Variants in KAT14 observed in about 807,000 individuals in gnomAD.
KAT14 encodes cysteine-rich protein 2-binding protein.
In KAT14, 66 loss-of-function variants were observed where a neutral mutation model predicts 78.4. The observed-to-expected ratio is 0.84, with a 90% CI of 0.69 to 1.03. The LOEUF (loss-of-function observed/expected upper bound fraction) is 1.03, where lower values mean the gene tolerates loss of function less well. KAT14 is among the 50% of genes least tolerant of loss of function. The pLI is 0.00. For synonymous variants in KAT14, 344 were observed against 359.4 expected (o/e 0.96, Z 0.48); for missense variants, 870 against 972.5 (o/e 0.89, Z 1.40).
Position 18,158,406 on chromosome 20 carries a change from C to T in KAT14, c.501-678C>T, listed in dbSNP as rs914820555. Among the ~76,000 whole-genome samples the T allele has an allele frequency of 2.6e-5, 4 of 152,210 alleles. No homozygotes were observed. The East Asian group carries it at 5.8e-4, about 22-fold the overall frequency. Reference sequence around the variant, plus strand: ...GTGAAAGACTGTCTTCTAGGATTTCCGGGGATTGATGTATCTTTTCAAGGT... The same window carrying T: ...GTGAAAGACTGTCTTCTAGGATTTCTGGGGATTGATGTATCTTTTCAAGGT... On this transcript the variant is annotated intron_variant, in intron 4 of 10. Coordinates refer to ENST00000688188, the MANE Select transcript of KAT14 (RefSeq NM_001392073.1).
intron 7 of KAT14, among the ~76,000 whole-genome samples, chr20:18,168,204 C>G (rs1165801761): frequency 6.6e-6 from 1 of 152,124 alleles, no homozygotes; most frequent in Non-Finnish European, 1.5e-5. Context: ...CATACAGTGT[C>G]ACTCCTGAGA....
intron 7 of KAT14, among the ~76,000 whole-genome samples, chr20:18,168,325 T>G (rs2038728206): frequency 1.3e-5 from 2 of 152,066 alleles, no homozygotes; most frequent in African/African-American, 2.4e-5. Flanking sequence ...GCCAGGAATT[T>G]GAGACCAGCC....
chr20:18,163,099 C>T lies in KAT14; in HGVS notation c.1668+154C>T, dbSNP rs569585128. 5.3e-4 allele frequency among the ~76,000 whole-genome samples: 80 copies of T among 152,290 alleles called. 3 individuals carry two copies. The South Asian group carries it at 0.016, about 31-fold the overall frequency. On this transcript the variant is annotated intron_variant, in intron 7 of 10. Coordinates refer to ENST00000688188, the MANE Select transcript of KAT14 (RefSeq NM_001392073.1). ...GTGCAAGGGAAAAAAATACAAAAATCGCTGGGCTTTATTTTTCAGAATTGT... is the reference window on the plus strand; with the variant it reads ...GTGCAAGGGAAAAAAATACAAAAATTGCTGGGCTTTATTTTTCAGAATTGT...
intron 7 of KAT14, among the ~76,000 whole-genome samples, chr20:18,178,868 G>T (rs2039146860): frequency 6.6e-6 from 1 of 152,102 alleles, no homozygotes; most frequent in Non-Finnish European, 1.5e-5. Context: ...ATAGTCCCAA[G>T]TCTCATCTGA....
chr20:18,184,618 G>A lies in KAT14; in HGVS notation c.1998G>A (p.Glu666=). ...TTTCTTTAGGCATTGACCTGTCTGA[G>A]TGTCTGCAGTACCCAGACTTCAGTG... ...EFFWPGIDLS[E]CLQYPDFSVV... Residue 666 remains glutamate (E), a synonymous_variant, in exon 10 of 11, where the codon GAG becomes GAA. Transcript: ENST00000688188. 9.3e-6 allele frequency: 15 copies of A among 1,611,982 alleles called. No individual in the cohort carries two copies. The highest frequency in any genetic ancestry group is 1.3e-5 in the Non-Finnish European group (15 of 1,179,578).
At chr20:18,138,182 C>T (rs1600210604) in intron 1 of KAT14, 131 bp downstream of exon 1, 2 of 1,287,594 alleles carry the variant, frequency 1.6e-6, no homozygotes, top group Non-Finnish European at 9.8e-7. Context: ...GGCCCTGCAC[C>T]CCACGCGTTT....
chr20:18,149,572 T>C (rs1358290850), intron 3 of KAT14, among the ~76,000 whole-genome samples: 2 of 152,178 alleles, frequency 1.3e-5, no homozygotes, highest in Non-Finnish European at 2.9e-5. Flanking sequence ...GGTGTAGATA[T>C]TGCTCTTTCC....
intron 10 of KAT14, among the ~76,000 whole-genome samples, chr20:18,185,903 A>G (rs976448174): frequency 1.3e-5 from 2 of 152,164 alleles, no homozygotes; most frequent in African/African-American, 4.8e-5. Context: ...TATGTAAATC[A>G]CTCACTGAGT....
chr20:18,183,435 A>G (rs2039338330), intron 9 of KAT14, 137 bp downstream of exon 9: 1 of 1,340,948 alleles, frequency 7.5e-7, no homozygotes, highest in Non-Finnish European at 9.6e-7. Context: ...ACATGGAAAT[A>G]TTAAAATACA....
At chr20:18,147,546 A>T (rs568508699) in intron 3 of KAT14, among the ~76,000 whole-genome samples, 1 of 152,274 alleles carries the variant, frequency 6.6e-6, no homozygotes, top group Admixed American at 6.5e-5. Flanking sequence ...AGTATGTAAT[A>T]TTGGCTCACT....
At chr20:18,184,566 A>G (rs2039386794) in intron 9 of KAT14, 36 bp from the exon 10 acceptor site, 2 of 1,572,124 alleles carry the variant, frequency 1.3e-6, no homozygotes, top group African/African-American at 2.8e-5. Context: ...TCTCAAAGGC[A>G]TGTGGTTTGA....
rs1220858761 is a variant in KAT14, at chr20:18,162,139, C to A, written c.999C>A (p.Phe333Leu). The A allele has an allele frequency of 6.2e-7, 1 of 1,614,246 alleles. No homozygotes were observed. Among genetic ancestry groups the A allele is most frequent in the South Asian group, 1.1e-5 (1 of 91,088 alleles). The change falls in exon 6 of 11, where the codon TTC (phenylalanine) becomes TTA (leucine). Residue 333 changes from phenylalanine to leucine, a missense_variant. By Grantham distance (22) the Phe-to-Leu change is conservative. Transcript: ENST00000688188. ...TSPSPSPSLDFSAPGTPASHS... is the reference protein window; with the variant it reads ...TSPSPSPSLDLSAPGTPASHS... ...CATCTCCTTCTCCTTCTCTGGATTT[C>A]TCTGCCCCTGGTACACCTGCCTCTC...
At chr20:18,148,962 C>A (rs1265551798) in intron 3 of KAT14, among the ~76,000 whole-genome samples, 5 of 151,926 alleles carry the variant, frequency 3.3e-5, no homozygotes, top group African/African-American at 9.7e-5. Context: ...AAAACAGGTC[C>A]TTTATATATT....
At chr20:18,159,655 C>T (rs973177620) in intron 5 of KAT14, among the ~76,000 whole-genome samples, 1 of 152,194 alleles carries the variant, frequency 6.6e-6, no homozygotes, top group African/African-American at 2.4e-5. Context: ...TCTAAATCCT[C>T]AGTACTTTTC....
At position 18,142,678 on chromosome 20, in the gene KAT14, C is replaced by T. The variant is rs1312885030; in HGVS notation, c.18C>T (p.His6=). 6.2e-7 allele frequency: 1 copy of T among 1,614,154 alleles called. No individual in the cohort carries two copies. The highest frequency in any genetic ancestry group is 2.2e-5 in the East Asian group (1 of 44,876). Residue 6 remains histidine (H), a synonymous_variant, in exon 2 of 11, where the codon CAC becomes CAT. Coordinates refer to ENST00000688188, the MANE Select transcript of KAT14 (RefSeq NM_001392073.1). The stretch of plus-strand genomic sequence containing the variant: ...AGGAAGGGATGGATAGTAGCATCCA[C>T]CTGAGTAGTCTGATCAGTCGGCATG... MDSSI[H]LSSLISRHDD...
chr20:18,161,033 G>A (rs2038400233), intron 5 of KAT14, among the ~76,000 whole-genome samples: 2 of 152,042 alleles, frequency 1.3e-5, no homozygotes, highest in Admixed American at 6.5e-5. Context: ...AATCAGCCGG[G>A]CGTGATGGCG....
chr20:18,164,243 T>C (rs1261188569), intron 7 of KAT14, among the ~76,000 whole-genome samples: 8 of 152,180 alleles, frequency 5.3e-5, no homozygotes, highest in African/African-American at 1.9e-4. Context: ...GCCCATCGTT[T>C]AGGAGGTAAA....
chr20:18,175,218 G>A (rs1191836380), intron 7 of KAT14, among the ~76,000 whole-genome samples: 56 of 152,100 alleles, frequency 3.7e-4, no homozygotes, highest in Admixed American at 3.7e-3. Flanking sequence ...CTCTCGCCCA[G>A]GTGCTGCTTT....
At chr20:18,168,552 C>T (rs2038740900) in intron 7 of KAT14, among the ~76,000 whole-genome samples, 1 of 151,898 alleles carries the variant, frequency 6.6e-6, no homozygotes, top group Admixed American at 6.6e-5. Flanking sequence ...TTTTTTGTTT[C>T]TTATCAATTA....
Sources: allele counts gnomAD v4.1 joint callset (sites outside exome capture counted in the v4.1 genomes callset), GRCh38; gene constraint gnomAD v4.1.1; transcripts MANE v1.5; gene names NCBI Gene and HGNC (gene_info 2026-07-23, HGNC 2026-07-21).